PVT1: variants seen among roughly 807,000 people sequenced by gnomAD.
PVT1 encodes Pvt1 oncogene, also known as CXCR4/PVT1 fusion.
At chr8:127,950,866 T>C (rs996449509) in intron 3 of PVT1, among the ~76,000 whole-genome samples, 2 of 152,220 alleles carry the variant, frequency 1.3e-5, no homozygotes, top group East Asian at 1.9e-4. Flanking sequence ...TCTCACTCCA[T>C]TGGGCAATCA....
intron 3 of PVT1, among the ~76,000 whole-genome samples, chr8:127,899,397 G>C (rs1044312876): frequency 3.3e-5 from 5 of 152,224 alleles, no homozygotes; most frequent in South Asian, 2.1e-4. Context: ...TTGGAAGTCA[G>C]ACTGACTTTG....
At chr8:128,060,250 C>T (rs916139773) in intron 4 of PVT1, among the ~76,000 whole-genome samples, 2 of 152,086 alleles carry the variant, frequency 1.3e-5, no homozygotes, top group African/African-American at 2.4e-5. Flanking sequence ...AGTGAGACTC[C>T]GTCAAAAAGA....
At chr8:127,812,248 CAGGAAGGCAGGAAGGCAGGA>C (rs1219031072) in intron 2 of PVT1, among the ~76,000 whole-genome samples, 4 of 112,104 alleles carry the variant, frequency 3.6e-5, no homozygotes, top group African/African-American at 9.2e-5. Flanking sequence ...GGAAGGAAGG[CAGGAAGGCAGGAAGGCAGGA>C]AGGAAGGAAG....
intron 6 of PVT1, among the ~76,000 whole-genome samples, chr8:128,097,060 G>A (rs1014328532): frequency 1.3e-5 from 2 of 152,142 alleles, no homozygotes; most frequent in African/African-American, 2.4e-5. Flanking sequence ...TAGATCAGGG[G>A]TCCTTAAACT....
chr8:128,055,048 A>G (rs1447183676), intron 4 of PVT1, among the ~76,000 whole-genome samples: 1 of 152,188 alleles, frequency 6.6e-6, no homozygotes, highest in Non-Finnish European at 1.5e-5. Context: ...TACAACATCA[A>G]GGCTTCTCTG....
At chr8:127,915,071 C>G (rs1244039279) in intron 3 of PVT1, among the ~76,000 whole-genome samples, 1 of 151,874 alleles carries the variant, frequency 6.6e-6, no homozygotes, top group African/African-American at 2.4e-5. Flanking sequence ...GTGATCCACC[C>G]ACCTCGGCCT....
At chr8:128,049,771 A>G (rs1469642916) in intron 4 of PVT1, among the ~76,000 whole-genome samples, 3 of 152,106 alleles carry the variant, frequency 2.0e-5, no homozygotes, top group African/African-American at 4.8e-5. Flanking sequence ...CCGGGGCTCT[A>G]GGTTTGAATT....
intron 4 of PVT1, among the ~76,000 whole-genome samples, chr8:128,068,702 C>A (rs1352595451): frequency 1.3e-5 from 2 of 152,158 alleles, no homozygotes; most frequent in Non-Finnish European, 2.9e-5. Flanking sequence ...CCATGTTAGC[C>A]AGGATGGTCT....
chr8:128,033,337 GTA>G (rs1392796709), intron 4 of PVT1, among the ~76,000 whole-genome samples: 1 of 152,166 alleles, frequency 6.6e-6, no homozygotes, highest in Non-Finnish European at 1.5e-5. Flanking sequence ...GTGTGTGTAT[GTA>G]TGTGTGTGTG....
chr8:127,888,491 G>A (rs936316223), intron 2 of PVT1, among the ~76,000 whole-genome samples: 5 of 152,218 alleles, frequency 3.3e-5, no homozygotes, highest in Admixed American at 6.5e-5. Flanking sequence ...TAGAACCTGC[G>A]AATATGTTGC....
At chr8:127,859,598 C>G (rs1815197291) in intron 2 of PVT1, among the ~76,000 whole-genome samples, 1 of 152,120 alleles carries the variant, frequency 6.6e-6, no homozygotes, top group Non-Finnish European at 1.5e-5. Flanking sequence ...ACAGGTCTGA[C>G]TCCCCGCCAG....
chr8:127,845,086 G>A lies in PVT1; in HGVS notation n.373-45503G>A, dbSNP rs577628909. ...CTAGCAGGTGTTTTATGTGTGGGGG[G>A]TGTTGGTTGTAGTAGTGGGGAAAGG... On this transcript the variant is annotated intron_variant and non_coding_transcript_variant, in intron 2 of 10. Coordinates refer to ENST00000651587, the Ensembl canonical transcript of PVT1. Among the ~76,000 whole-genome samples, 12 of 152,306 alleles carry A rather than the reference G, an allele frequency of 7.9e-5. No individual in the cohort carries two copies. In the South Asian group the frequency reaches 1.9e-3, roughly 24 times the overall value.
intron 2 of PVT1, among the ~76,000 whole-genome samples, chr8:127,802,313 A>G (rs576865604): frequency 9.1e-4 from 139 of 152,308 alleles, no homozygotes; most frequent in Non-Finnish European, 1.6e-3. Flanking sequence ...TCCCAGGCTC[A>G]GGTGATCCTC....
intron 3 of PVT1, among the ~76,000 whole-genome samples, chr8:127,925,176 TTTATC>T (rs1816114389): frequency 6.6e-6 from 1 of 152,174 alleles, no homozygotes; most frequent in Non-Finnish European, 1.5e-5. Flanking sequence ...GTTTTCAAGG[TTTATC>T]TGTGTTGTAG....
Position 127,920,757 on chromosome 8 carries a change from TA to T in PVT1, n.782+29768del, listed in dbSNP as rs372244805. ...GATAGAATGGATAATATTGATTTGC[TA>T]AAAAAAAATTGTCACCAAATAACTT... On this transcript the variant is annotated intron_variant and non_coding_transcript_variant, in intron 3 of 10. Coordinates refer to ENST00000651587, the Ensembl canonical transcript of PVT1. 8.2e-3 allele frequency among the ~76,000 whole-genome samples: 1,236 copies of T among 151,414 alleles called. 15 individuals are homozygous for T. The highest frequency in any genetic ancestry group is 0.028 in the African/African-American group (1,162 of 41,314).
At chr8:128,005,788 T>C (rs923384456) in intron 4 of PVT1, among the ~76,000 whole-genome samples, 3 of 152,074 alleles carry the variant, frequency 2.0e-5, no homozygotes, top group Non-Finnish European at 4.4e-5. Context: ...TGGAGGGTGA[T>C]GAACAGGACC....
chr8:127,993,025 C>T (rs949550011), intron 4 of PVT1, among the ~76,000 whole-genome samples: 4 of 152,272 alleles, frequency 2.6e-5, no homozygotes, highest in Admixed American at 6.5e-5. Flanking sequence ...ACGCTTGAAA[C>T]AGAAACATCT....
chr8:128,038,798 A>G (rs775764990), intron 4 of PVT1, among the ~76,000 whole-genome samples: 23 of 152,198 alleles, frequency 1.5e-4, no homozygotes, highest in Non-Finnish European at 3.2e-4. Flanking sequence ...AGGAGGCCTT[A>G]TAGGTACGTT....
At chr8:127,812,717 A>G (rs1814612577) in intron 2 of PVT1, among the ~76,000 whole-genome samples, 1 of 150,830 alleles carries the variant, frequency 6.6e-6, no homozygotes, top group Admixed American at 6.6e-5. Flanking sequence ...AGGAGGGAAG[A>G]AAAGAAAGAA....
Sources: gnomAD v4.1 joint callset for allele counts (sites outside exome capture counted in the v4.1 genomes callset) on GRCh38, gnomAD v4.1.1 for gene constraint, MANE v1.5 for transcripts, NCBI Gene and HGNC (gene_info 2026-07-23, HGNC 2026-07-21) for gene names.